SYNDIG1L: variants seen among roughly 807,000 people sequenced by gnomAD.
The protein encoded by SYNDIG1L is synapse differentiation-inducing gene protein 1-like.
SYNDIG1L carries 13 observed loss-of-function variants against 20.1 expected under a neutral mutation model. That is an observed-to-expected ratio of 0.65 (90% CI 0.42 to 1.03). SYNDIG1L has a LOEUF of 1.03. Among genes scored for constraint, SYNDIG1L ranks in the 50% least tolerant of loss-of-function variants. The probability of loss-of-function intolerance (pLI) is 0.00; values close to 1 mark genes in which losing one functional copy is unlikely to be tolerated. For synonymous variants in SYNDIG1L, 128 were observed against 129.3 expected (o/e 0.99, Z 0.07); for missense variants, 294 against 305.1 (o/e 0.96, Z 0.27).
intron 1 of SYNDIG1L, among the ~76,000 whole-genome samples, chr14:74,421,973 G>C (rs1206948814): frequency 6.6e-6 from 1 of 152,220 alleles, no homozygotes. Context: ...CTGCTTGGCA[G>C]ATGGGCTTGT....
the SYNDIG1L span, among the ~76,000 whole-genome samples, chr14:74,457,416 G>A: frequency 1.3e-5 from 2 of 151,916 alleles, no homozygotes; most frequent in Non-Finnish European, 2.9e-5. Flanking sequence ...CTCCTTGCAC[G>A]CCTGATTCAC....
chr14:74,419,401 G>T (rs1202720889), intron 1 of SYNDIG1L, among the ~76,000 whole-genome samples: 1 of 152,198 alleles, frequency 6.6e-6, no homozygotes, highest in East Asian at 1.9e-4. Flanking sequence ...TGGATCTCAT[G>T]AATGAATGAG....
At chr14:74,418,517 C>T (rs1194907351) in intron 1 of SYNDIG1L, among the ~76,000 whole-genome samples, 1 of 152,168 alleles carries the variant, frequency 6.6e-6, no homozygotes. Flanking sequence ...AACCTGGCTG[C>T]AAATAATTCG....
chr14:74,418,776 C>T (rs527929574), intron 1 of SYNDIG1L, among the ~76,000 whole-genome samples: 3 of 152,298 alleles, frequency 2.0e-5, no homozygotes, highest in Middle Eastern at 3.4e-3. Flanking sequence ...ATGCTCTCAT[C>T]GATGGAAGCT....
chr14:74,464,404 C>T, the SYNDIG1L span, among the ~76,000 whole-genome samples: 2 of 152,066 alleles, frequency 1.3e-5, no homozygotes, highest in Non-Finnish European at 1.5e-5. Context: ...CTCGCCAAAC[C>T]GTGAGCTCTT....
At chr14:74,452,056 T>C in the SYNDIG1L span, among the ~76,000 whole-genome samples, 399 of 150,370 alleles carry the variant, frequency 2.7e-3, 1 homozygote, top group African/African-American at 9.2e-3. Context: ...TCATGTTTTT[T>C]AAATGGGCAA....
the SYNDIG1L span, among the ~76,000 whole-genome samples, chr14:74,449,406 A>G: frequency 7.1e-6 from 1 of 140,820 alleles, no homozygotes; most frequent in African/African-American, 2.7e-5. Context: ...GTTCAAGACC[A>G]GCCTAGACAA....
the SYNDIG1L span, among the ~76,000 whole-genome samples, chr14:74,461,566 T>G: frequency 6.6e-6 from 1 of 152,056 alleles, no homozygotes; most frequent in Non-Finnish European, 1.5e-5. Flanking sequence ...AAAACCTCAT[T>G]CAATTGATTT....
the SYNDIG1L span, among the ~76,000 whole-genome samples, chr14:74,431,625 G>A: frequency 6.6e-6 from 1 of 152,072 alleles, no homozygotes; most frequent in Non-Finnish European, 1.5e-5. Flanking sequence ...CCGGGTCTGT[G>A]TGATGCCAAA....
At chr14:74,418,030 T>C (rs2086190810) in intron 1 of SYNDIG1L, among the ~76,000 whole-genome samples, 2 of 152,178 alleles carry the variant, frequency 1.3e-5, no homozygotes, top group African/African-American at 4.8e-5. Context: ...AACTTCCTAA[T>C]CGGGCAGAAG....
chr14:74,467,852 T>C, the SYNDIG1L span, among the ~76,000 whole-genome samples: 4 of 151,810 alleles, frequency 2.6e-5, no homozygotes, highest in Admixed American at 6.6e-5. Context: ...CAGAGAAAGG[T>C]GCCAGGAGAG....
the SYNDIG1L span, among the ~76,000 whole-genome samples, chr14:74,472,676 G>A: frequency 6.6e-6 from 1 of 152,210 alleles, no homozygotes; most frequent in Non-Finnish European, 1.5e-5. Context: ...ATCTGATCTG[G>A]GGGAGGTGGT....
chr14:74,420,145 C>A (rs545577800), intron 1 of SYNDIG1L, among the ~76,000 whole-genome samples: 94 of 152,002 alleles, frequency 6.2e-4, no homozygotes, highest in African/African-American at 2.0e-3. Flanking sequence ...ACCTGCAATC[C>A]CAGCACTTTG....
At chr14:74,463,643 A>C in the SYNDIG1L span, among the ~76,000 whole-genome samples, 6 of 152,164 alleles carry the variant, frequency 3.9e-5, no homozygotes, top group Non-Finnish European at 5.9e-5. Flanking sequence ...AGCAACTGAG[A>C]TCCATCAACC....
At chr14:74,423,991 A>T (rs1020365160) in intron 1 of SYNDIG1L, among the ~76,000 whole-genome samples, 31 of 152,164 alleles carry the variant, frequency 2.0e-4, no homozygotes, top group African/African-American at 7.2e-4. Flanking sequence ...TCCCAGAGAA[A>T]TAAGAGAGGG....
At chr14:74,475,734 A>G in the SYNDIG1L span, among the ~76,000 whole-genome samples, 1 of 152,160 alleles carries the variant, frequency 6.6e-6, no homozygotes, top group Non-Finnish European at 1.5e-5. Context: ...TGGGCCCAAC[A>G]TATCTGAAAT....
At chr14:74,472,898 G>T in the SYNDIG1L span, among the ~76,000 whole-genome samples, 6 of 152,178 alleles carry the variant, frequency 3.9e-5, no homozygotes, top group East Asian at 1.2e-3. Context: ...GTGGTGTAAT[G>T]TGGGCTGGAG....
At chr14:74,476,508 G>C in the SYNDIG1L span, 1 of 1,535,294 alleles carries the variant, frequency 6.5e-7, no homozygotes, top group East Asian at 2.4e-5. Flanking sequence ...CAGAATCTCA[G>C]GCTCTTAGTC....
chr14:74,440,898 G>T, the SYNDIG1L span, among the ~76,000 whole-genome samples: 1 of 152,172 alleles, frequency 6.6e-6, no homozygotes, highest in Non-Finnish European at 1.5e-5. Context: ...TAGAGCATTT[G>T]GAGATAAGTC....
Sources: allele counts gnomAD v4.1 joint callset (sites outside exome capture counted in the v4.1 genomes callset), GRCh38; gene constraint gnomAD v4.1.1; transcripts MANE v1.5; gene names NCBI Gene and HGNC (gene_info 2026-07-23, HGNC 2026-07-21).